AGAP1: variants seen among roughly 807,000 people sequenced by gnomAD.
AGAP1 encodes the protein arf-GAP with GTPase, ANK repeat and PH domain-containing protein 1.
In AGAP1, 29 loss-of-function variants were observed where a neutral mutation model predicts 105.3. The observed-to-expected ratio is 0.28, with a 90% CI of 0.21 to 0.38. The LOEUF is 0.38. Among genes scored for constraint, AGAP1 ranks in the 10% least tolerant of loss-of-function variants. The pLI, the probability that AGAP1 is intolerant of heterozygous loss-of-function variation, is 1.00. For missense variants in AGAP1, 998 were observed against 1,165.1 expected, an observed-to-expected ratio of 0.86 and a Z score of 2.09; for synonymous variants, 509 against 485.9, an observed-to-expected ratio of 1.05 and a Z score of -0.63.
At chr2:235,543,021 GT>G (rs369635897) in intron 1 of AGAP1, among the ~76,000 whole-genome samples, 26 of 150,896 alleles carry the variant, frequency 1.7e-4, no homozygotes, top group African/African-American at 6.1e-4. Context: ...TTTGGGACCT[GT>G]TTGTCGAGTT....
rs1340777930 is a variant in AGAP1, at chr2:235,537,252, C to T, written c.163+42403C>T. ...TGAATGTGTGTGGGTGCAGGGGCAC[C>T]TCGGGAGCCTGGCCGGGAAGGTGGC... On this transcript the variant is annotated intron_variant, in intron 1 of 17. Transcript: ENST00000304032. Among the ~76,000 whole-genome samples, 3 of 152,172 alleles carry T rather than the reference C, an allele frequency of 2.0e-5. No homozygotes were observed. The East Asian group carries it at 5.8e-4, about 29-fold the overall frequency.
chr2:235,744,009 G>A lies in AGAP1; in HGVS notation c.397-689G>A, dbSNP rs1196070340. ...TCTGTCAAAAGAGGATGTGATGTAG[G>A]TTCAACTGGCAAGACAAGAATAAAA... On this transcript the variant is annotated intron_variant, in intron 4 of 17. Transcript: ENST00000304032. This position sits in a 1 kb window ranked among gnomAD's most constrained non-coding sequence, Gnocchi z 5.2. Among the ~76,000 whole-genome samples the A allele has an allele frequency of 6.6e-6, 1 of 152,224 alleles. No homozygotes were observed. The highest frequency in any genetic ancestry group is 1.5e-5 in the Non-Finnish European group (1 of 68,044).
chr2:236,113,436 G>A lies in AGAP1; in HGVS notation c.2115-6756G>A, dbSNP rs2059698595. Among the ~76,000 whole-genome samples the A allele has an allele frequency of 6.6e-6, 1 of 152,222 alleles. No homozygotes were observed. Among genetic ancestry groups the A allele is most frequent in the Admixed American group, 6.5e-5 (1 of 15,286 alleles). On this transcript the variant is annotated intron_variant, in intron 16 of 17. Transcript: ENST00000304032. This position sits in a 1 kb window ranked among gnomAD's most constrained non-coding sequence, Gnocchi z 4.3. ...TTACAGTCATGAGCCACCATGCCCG[G>A]CTGGAGTTTGTTTTTTAAAATGTGT...
At position 235,719,481 on chromosome 2, in the gene AGAP1, G is replaced by A. The variant is rs922210376; in HGVS notation, c.310+1837G>A. ...TGAACGTTTATACATCAAAAGGAAG[G>A]ATTGTGGGGTGACCTAAACTGATCA... On this transcript the variant is annotated intron_variant, in intron 3 of 17. Transcript: ENST00000304032. The surrounding 1 kb of genome is among the most constrained non-coding windows in gnomAD (Gnocchi z 4.9). Among the ~76,000 whole-genome samples the A allele has an allele frequency of 1.3e-5, 2 of 152,196 alleles. No individual in the cohort carries two copies. The highest frequency in any genetic ancestry group is 2.9e-5 in the Non-Finnish European group (2 of 68,044).
Position 235,550,149 on chromosome 2 carries a change from G to A in AGAP1, c.163+55300G>A, listed in dbSNP as rs533440520. On this transcript the variant is annotated intron_variant, in intron 1 of 17. Coordinates refer to ENST00000304032, the MANE Select transcript of AGAP1 (RefSeq NM_001037131.3). The surrounding 1 kb of genome is among the most constrained non-coding windows in gnomAD (Gnocchi z 4.6). Reference sequence around the variant, plus strand: ...GAGTGGGGCAGAACCATCATCCTGCGTGCAGCCTGCACACTCCCAGCACCC... The same window carrying A: ...GAGTGGGGCAGAACCATCATCCTGCATGCAGCCTGCACACTCCCAGCACCC... 2.6e-5 allele frequency among the ~76,000 whole-genome samples: 4 copies of A among 152,182 alleles called. No homozygotes were observed. Among genetic ancestry groups the A allele is most frequent in the South Asian group, 2.1e-4 (1 of 4,838 alleles).
At chr2:235,648,082 G>A (rs148170128) in intron 1 of AGAP1, among the ~76,000 whole-genome samples, 63 of 152,316 alleles carry the variant, frequency 4.1e-4, no homozygotes, top group Non-Finnish European at 5.9e-4. Flanking sequence ...GTAGGCTGGC[G>A]TTGAAAAGTT....
chr2:236,084,361 A>C (rs551115155), intron 16 of AGAP1, among the ~76,000 whole-genome samples: 141 of 152,310 alleles, frequency 9.3e-4, no homozygotes, highest in African/African-American at 3.2e-3. Flanking sequence ...TCATTCTGGA[A>C]CGAATGATAA....
At chr2:235,968,348 C>A in intron 12 of AGAP1, 114 bp from the exon 13 acceptor site, 2 of 1,330,708 alleles carry the variant, frequency 1.5e-6, no homozygotes, top group African/African-American at 1.5e-5. Context: ...ATGTTATTTG[C>A]AGGGCCTGTG....
chr2:235,802,484 C>T (rs890555603), intron 8 of AGAP1, among the ~76,000 whole-genome samples: 24 of 150,834 alleles, frequency 1.6e-4, no homozygotes, highest in Non-Finnish European at 3.1e-4. Context: ...TGTCCCATGG[C>T]ATTAGTGGGA....
At position 236,113,942 on chromosome 2, in the gene AGAP1, C is replaced by G. The variant is rs561031234; in HGVS notation, c.2115-6250C>G. On this transcript the variant is annotated intron_variant, in intron 16 of 17. Coordinates refer to ENST00000304032, the MANE Select transcript of AGAP1 (RefSeq NM_001037131.3). The surrounding 1 kb of genome is among the most constrained non-coding windows in gnomAD (Gnocchi z 4.3). ...AAATACGATGGCGCCTGAAATGTAC[C>G]TTTTCTTTTTATTTTGGGGATTGGG... Among the ~76,000 whole-genome samples the G allele has an allele frequency of 3.3e-5, 5 of 152,150 alleles. No homozygotes were observed. Among genetic ancestry groups the G allele is most frequent in the African/African-American group, 1.2e-4 (5 of 41,510 alleles).
intron 11 of AGAP1, among the ~76,000 whole-genome samples, chr2:235,929,796 C>T (rs1388763485): frequency 6.6e-6 from 1 of 152,198 alleles, no homozygotes; most frequent in African/African-American, 2.4e-5. Context: ...CTAAAAAGCT[C>T]CACAGGAAAT....
rs570362001 is a variant in AGAP1, at chr2:235,871,338, C to G, written c.1051-12007C>G. ...GTATTTAACAGAGCCAGGAGCACTT[C>G]CAGCATCTGGCATGGCAATCTGGTA... On this transcript the variant is annotated intron_variant, in intron 9 of 17. Coordinates refer to ENST00000304032, the MANE Select transcript of AGAP1 (RefSeq NM_001037131.3). 8.5e-5 allele frequency among the ~76,000 whole-genome samples: 13 copies of G among 152,350 alleles called. No individual in the cohort carries two copies. The South Asian group carries it at 2.7e-3, about 32-fold the overall frequency.
intron 1 of AGAP1, among the ~76,000 whole-genome samples, chr2:235,563,809 T>C (rs530034925): frequency 6.6e-6 from 1 of 152,312 alleles, no homozygotes; most frequent in East Asian, 1.9e-4. Context: ...GCTGCTGAAT[T>C]GGACTGTTTG....
rs1946953905 is a variant in AGAP1 at position 235,635,128 on chromosome 2, G to A, written c.164-74051G>A. On this transcript the variant is annotated intron_variant, in intron 1 of 17. Coordinates refer to ENST00000304032, the MANE Select transcript of AGAP1 (RefSeq NM_001037131.3). This position sits in a 1 kb window ranked among gnomAD's most constrained non-coding sequence, Gnocchi z 5.3. ...CAGGACCTGGTGGTCTAGAGGTACT[G>A]TGGTATAAGTAGAAAGAGCAGCTGG... 6.6e-6 allele frequency among the ~76,000 whole-genome samples: 1 copy of A among 152,192 alleles called. No homozygotes were observed. The highest frequency in any genetic ancestry group is 6.5e-5 in the Admixed American group (1 of 15,280).
intron 13 of AGAP1, among the ~76,000 whole-genome samples, chr2:236,008,056 T>C: frequency 6.6e-6 from 1 of 152,276 alleles, no homozygotes; most frequent in East Asian, 1.9e-4. Flanking sequence ...TTGCTGTGTG[T>C]GTGTTTTCAA....
chr2:235,897,868 A>G (rs1467352294), intron 10 of AGAP1, among the ~76,000 whole-genome samples: 5 of 152,130 alleles, frequency 3.3e-5, no homozygotes, highest in African/African-American at 9.7e-5. Context: ...AGGTCTTGGA[A>G]GGTAGGTAGG....
chr2:235,603,985 C>T (rs989263679), intron 1 of AGAP1, among the ~76,000 whole-genome samples: 9 of 152,092 alleles, frequency 5.9e-5, no homozygotes, highest in African/African-American at 2.2e-4. Flanking sequence ...TGGTTTCTTC[C>T]AGCATCCCCG....
intron 1 of AGAP1, among the ~76,000 whole-genome samples, chr2:235,495,481 C>T (rs1489717363): frequency 2.0e-5 from 3 of 152,326 alleles, no homozygotes; most frequent in African/African-American, 7.2e-5. Flanking sequence ...GAGGAAGAAC[C>T]CTACCAGGAG....
chr2:236,079,553 T>C (rs550313011), intron 16 of AGAP1, among the ~76,000 whole-genome samples: 39 of 129,528 alleles, frequency 3.0e-4, no homozygotes, highest in Non-Finnish European at 4.7e-4. Flanking sequence ...TATATATATA[T>C]ACACACACAC....
Sources: allele counts gnomAD v4.1 joint callset (sites outside exome capture counted in the v4.1 genomes callset), GRCh38; gene constraint gnomAD v4.1.1; non-coding constraint Gnocchi (gnomAD v3.1); transcripts MANE v1.5; gene names NCBI Gene and HGNC (gene_info 2026-07-23, HGNC 2026-07-21).